The following CACNA2D1 variants were observed in gnomAD, a reference collection of about 807,000 sequenced individuals.
The protein encoded by CACNA2D1 is voltage-dependent calcium channel subunit alpha-2/delta-1.
CACNA2D1 carries 53 observed loss-of-function variants against 171.5 expected under a neutral mutation model. The observed-to-expected ratio is 0.31, with a 90% CI of 0.25 to 0.39. The LOEUF (loss-of-function observed/expected upper bound fraction) is 0.39. CACNA2D1 is among the 10% of genes least tolerant of loss of function. The pLI is 1.00. For missense variants in CACNA2D1, 903 were observed against 1,299.8 expected (o/e 0.69, Z 4.69); for synonymous variants, 442 against 443.1 (o/e 1.00, Z 0.03).
chr7:82,329,088 C>T (rs1816981220), intron 3 of CACNA2D1, among the ~76,000 whole-genome samples: 1 of 150,676 alleles, frequency 6.6e-6, no homozygotes, highest in Non-Finnish European at 1.5e-5. Flanking sequence ...GCACTGCTGA[C>T]AAATAGAAAT....
chr7:82,002,542 A>G (rs1357826097), intron 18 of CACNA2D1, among the ~76,000 whole-genome samples: 2 of 152,224 alleles, frequency 1.3e-5, no homozygotes, highest in Non-Finnish European at 2.9e-5. Context: ...ACTAATAGAG[A>G]ATGTAACCAT....
intron 3 of CACNA2D1, among the ~76,000 whole-genome samples, chr7:82,323,501 T>C (rs2129440715): frequency 6.6e-6 from 1 of 152,194 alleles, no homozygotes; most frequent in East Asian, 1.9e-4. Context: ...GTGTGAGACC[T>C]GTGCAGTCAG....
At chr7:82,173,081 T>C (rs891117918) in intron 3 of CACNA2D1, among the ~76,000 whole-genome samples, 1 of 151,872 alleles carries the variant, frequency 6.6e-6, no homozygotes, top group Admixed American at 6.6e-5. Context: ...TCCTTGGGAG[T>C]GCATGAGAAA....
intron 3 of CACNA2D1, among the ~76,000 whole-genome samples, chr7:82,283,150 G>A (rs1447758696): frequency 6.6e-6 from 1 of 151,396 alleles, no homozygotes; most frequent in Non-Finnish European, 1.5e-5. Context: ...TCTAACTGCG[G>A]CTATTAAAAA....
At chr7:82,219,422 T>C (rs1362442113) in intron 3 of CACNA2D1, among the ~76,000 whole-genome samples, 1 of 152,138 alleles carries the variant, frequency 6.6e-6, no homozygotes, top group Admixed American at 6.5e-5. Flanking sequence ...CACATCTACA[T>C]TTCTGTTTCC....
intron 6 of CACNA2D1, among the ~76,000 whole-genome samples, chr7:82,116,512 G>A (rs971293761): frequency 2.6e-5 from 4 of 152,074 alleles, no homozygotes; most frequent in African/African-American, 9.7e-5. Flanking sequence ...CTTTTGGCTG[G>A]AAGCCCACAA....
chr7:82,298,800 C>T (rs771569978), intron 3 of CACNA2D1, among the ~76,000 whole-genome samples: 8 of 152,188 alleles, frequency 5.3e-5, no homozygotes, highest in East Asian at 3.9e-4. Flanking sequence ...CAGTGGCTCA[C>T]GCCTATAATC....
intron 3 of CACNA2D1, among the ~76,000 whole-genome samples, chr7:82,290,414 G>T (rs971899815): frequency 9.9e-5 from 15 of 152,128 alleles, no homozygotes; most frequent in African/African-American, 3.6e-4. Context: ...CAAGACGTAA[G>T]AGTCCAAGCT....
chr7:82,382,974 T>A (rs556814683), intron 1 of CACNA2D1, among the ~76,000 whole-genome samples: 1 of 152,320 alleles, frequency 6.6e-6, no homozygotes, highest in Non-Finnish European at 1.5e-5. Flanking sequence ...ATTCAGCCAT[T>A]CAATACTTCT....
chr7:82,000,919 G>A (rs1238693502), intron 18 of CACNA2D1, among the ~76,000 whole-genome samples: 3 of 150,636 alleles, frequency 2.0e-5, no homozygotes, highest in African/African-American at 4.9e-5. Flanking sequence ...ATGAGCCACC[G>A]TGGCCGGCCT....
chr7:82,279,916 T>A (rs2129370972), intron 3 of CACNA2D1, among the ~76,000 whole-genome samples: 1 of 152,314 alleles, frequency 6.6e-6, no homozygotes, highest in East Asian at 1.9e-4. Flanking sequence ...GGTCTCTCTG[T>A]TCACAGCTTA....
intron 3 of CACNA2D1, among the ~76,000 whole-genome samples, chr7:82,321,349 A>G (rs933342189): frequency 6.6e-6 from 1 of 152,144 alleles, no homozygotes; most frequent in Non-Finnish European, 1.5e-5. Flanking sequence ...CAGTGGGCCG[A>G]GATGGCACCA....
rs536087999 is a variant in CACNA2D1 at position 82,251,150 on chromosome 7, T to C, written c.295-80541A>G. On this transcript the variant is annotated intron_variant, in intron 3 of 38. Coordinates refer to ENST00000356860, the MANE Select transcript of CACNA2D1 (RefSeq NM_000722.4). ...TATCTCCCATCTCTCAACGCCATGA[T>C]GTAATAAGAAGTTACTGAACAGTAT... Among the ~76,000 whole-genome samples, 3 of 152,280 alleles carry C rather than the reference T, an allele frequency of 2.0e-5. No homozygotes were observed. The South Asian group carries it at 6.2e-4, about 32-fold the overall frequency.
chr7:82,441,177 A>C (rs979410761), intron 1 of CACNA2D1, among the ~76,000 whole-genome samples: 1 of 152,082 alleles, frequency 6.6e-6, no homozygotes, highest in Non-Finnish European at 1.5e-5. Flanking sequence ...CTTTATGAAA[A>C]ATATTGCATT....
intron 3 of CACNA2D1, among the ~76,000 whole-genome samples, chr7:82,188,148 C>G (rs1797954047): frequency 6.6e-6 from 1 of 152,072 alleles, no homozygotes; most frequent in Non-Finnish European, 1.5e-5. Context: ...TCCAAATTCC[C>G]CACTTTCTAG....
intron 6 of CACNA2D1, among the ~76,000 whole-genome samples, chr7:82,111,224 C>G (rs1788331661): frequency 6.7e-6 from 1 of 148,558 alleles, no homozygotes; most frequent in South Asian, 2.1e-4. Context: ...TCTAAAAAAG[C>G]TATTTTCCTA....
chr7:82,350,780 T>C (rs1372518538), intron 1 of CACNA2D1, among the ~76,000 whole-genome samples: 1 of 152,224 alleles, frequency 6.6e-6, no homozygotes, highest in Non-Finnish European at 1.5e-5. Context: ...AATTACTAGA[T>C]CCAAATAATT....
At chr7:82,332,520 A>AAG (rs1400082005) in intron 3 of CACNA2D1, among the ~76,000 whole-genome samples, 9 of 90,224 alleles carry the variant, frequency 1.0e-4, no homozygotes, top group African/African-American at 3.5e-4. Flanking sequence ...TAAAGAAAGA[A>AAG]AGAAAGAAAG....
intron 1 of CACNA2D1, among the ~76,000 whole-genome samples, chr7:82,394,746 A>T (rs1310701272): frequency 1.3e-5 from 2 of 152,164 alleles, no homozygotes; most frequent in Non-Finnish European, 2.9e-5. Context: ...GAACCAACTG[A>T]TTTTCTGTGA....
Sources: allele counts gnomAD v4.1 joint callset (sites outside exome capture counted in the v4.1 genomes callset), GRCh38; gene constraint gnomAD v4.1.1; transcripts MANE v1.5; gene names NCBI Gene and HGNC (gene_info 2026-07-23, HGNC 2026-07-21).